SGCZ: variants seen among roughly 807,000 people sequenced by gnomAD.
The protein encoded by SGCZ is zeta-sarcoglycan.
Under a neutral mutation model 41.3 loss-of-function variants are expected in SGCZ, and 40 were observed. The ratio of observed to expected loss-of-function variants is 0.97; its 90% CI spans 0.75 to 1.26. The LOEUF (loss-of-function observed/expected upper bound fraction) is 1.26, where lower values mean the gene tolerates loss of function less well. SGCZ is among the 50% of genes most tolerant of loss of function. The pLI, the probability that SGCZ is intolerant of heterozygous loss-of-function variation, is 0.00. For synonymous variants in SGCZ, 206 were observed against 137.5 expected, an observed-to-expected ratio of 1.50 and a Z score of -3.49; for missense variants, 552 against 369.8, an observed-to-expected ratio of 1.49 and a Z score of -4.04.
intron 1 of SGCZ, among the ~76,000 whole-genome samples, chr8:15,198,177 G>C (rs1214933402): frequency 6.6e-6 from 1 of 151,502 alleles, no homozygotes; most frequent in Non-Finnish European, 1.5e-5. Flanking sequence ...TAACATTGTT[G>C]AGTAGGCTGA....
intron 2 of SGCZ, among the ~76,000 whole-genome samples, chr8:14,359,535 T>G (rs530372035): frequency 1.3e-5 from 2 of 152,088 alleles, no homozygotes; most frequent in East Asian, 1.9e-4. Flanking sequence ...GGTTCTTCAC[T>G]GATCACAATG....
chr8:14,371,322 A>T (rs1351381446), intron 2 of SGCZ, among the ~76,000 whole-genome samples: 1 of 152,058 alleles, frequency 6.6e-6, no homozygotes, highest in Non-Finnish European at 1.5e-5. Context: ...ATCTTTGTGT[A>T]TGCAAGCCAG....
At chr8:15,199,679 T>A (rs745715174) in intron 1 of SGCZ, among the ~76,000 whole-genome samples, 8 of 152,184 alleles carry the variant, frequency 5.3e-5, no homozygotes, top group Non-Finnish European at 8.8e-5. Flanking sequence ...TGCTAACACC[T>A]GTCAATAATA....
At chr8:14,861,381 T>G (rs1338673498) in intron 1 of SGCZ, among the ~76,000 whole-genome samples, 1 of 152,090 alleles carries the variant, frequency 6.6e-6, no homozygotes, top group African/African-American at 2.4e-5. Context: ...AAATAAAGAA[T>G]AGAGATAACT....
intron 1 of SGCZ, among the ~76,000 whole-genome samples, chr8:14,792,376 T>A (rs905672160): frequency 3.3e-5 from 5 of 152,080 alleles, no homozygotes; most frequent in African/African-American, 1.2e-4. Flanking sequence ...AAGTCCCCTT[T>A]TGTAGAAAAG....
intron 4 of SGCZ, among the ~76,000 whole-genome samples, chr8:14,202,923 G>A (rs74585141): frequency 0.042 from 6,425 of 152,170 alleles, 153 homozygotes; most frequent in Middle Eastern, 0.075. Context: ...GGAATCAGGC[G>A]GGAGGTGATG....
Position 14,751,799 on chromosome 8 carries a change from C to T in SGCZ, c.40-196873G>A, listed in dbSNP as rs570055258. Among the ~76,000 whole-genome samples the T allele has an allele frequency of 2.8e-3, 282 of 101,350 alleles. 1 individual carries two copies. The highest frequency in any genetic ancestry group is 9.4e-3 in the African/African-American group (237 of 25,318). 66.5% of individuals were successfully genotyped at this position (101,350 alleles called of 152,430 possible). ...TCCTGACCTCGTGATCTGCCCACCT[C>T]GGCCTCCCAAAGTGCTAGGATTACA... On this transcript the variant is annotated intron_variant, in intron 1 of 7. Transcript: ENST00000382080.
At position 15,174,594 on chromosome 8, in the gene SGCZ, A is replaced by G. The variant is rs575742849; in HGVS notation, c.39+62991T>C. On this transcript the variant is annotated intron_variant, in intron 1 of 7. Coordinates refer to ENST00000382080, the MANE Select transcript of SGCZ (RefSeq NM_139167.4). ...ATTTTTGAGTTGAAGTCAATGTTTA[A>G]CTTTACAAGATGGTATCAAATTATT... Among the ~76,000 whole-genome samples the G allele has an allele frequency of 1.8e-4, 28 of 152,314 alleles. 1 individual carries two copies. In the South Asian group the frequency reaches 5.6e-3, roughly 30 times the overall value.
chr8:14,673,558 A>G (rs531141051), intron 1 of SGCZ, among the ~76,000 whole-genome samples: 2 of 151,948 alleles, frequency 1.3e-5, no homozygotes, highest in East Asian at 3.9e-4. Context: ...CTCCCAATCC[A>G]TGTGGAACTG....
chr8:14,331,310 T>G (rs1367780674), intron 2 of SGCZ, among the ~76,000 whole-genome samples: 1 of 152,084 alleles, frequency 6.6e-6, no homozygotes, highest in Non-Finnish European at 1.5e-5. Context: ...AAAAATTAAC[T>G]TCAACTTCTA....
At chr8:14,276,468 T>C (rs761963665) in intron 3 of SGCZ, among the ~76,000 whole-genome samples, 13 of 152,278 alleles carry the variant, frequency 8.5e-5, no homozygotes, top group Admixed American at 2.6e-4. Context: ...AAAATGTAAG[T>C]GGCTCTTGAT....
intron 4 of SGCZ, among the ~76,000 whole-genome samples, chr8:14,186,894 A>G (rs557543232): frequency 6.6e-6 from 1 of 152,356 alleles, no homozygotes; most frequent in South Asian, 2.1e-4. Flanking sequence ...CTGAGTCAGA[A>G]CAAATTTCAA....
chr8:14,208,300 G>T (rs1045076452), intron 4 of SGCZ, among the ~76,000 whole-genome samples: 1 of 152,158 alleles, frequency 6.6e-6, no homozygotes, highest in Admixed American at 6.6e-5. Flanking sequence ...GTGTTTATCA[G>T]TTAGTTGAAA....
At chr8:15,157,492 A>G (rs907498822) in intron 1 of SGCZ, among the ~76,000 whole-genome samples, 1 of 135,232 alleles carries the variant, frequency 7.4e-6, no homozygotes, top group African/African-American at 3.6e-5. Context: ...GAACAACAAC[A>G]ATGACAACAA....
At chr8:14,695,853 G>A (rs1808944081) in intron 1 of SGCZ, among the ~76,000 whole-genome samples, 2 of 151,896 alleles carry the variant, frequency 1.3e-5, no homozygotes. Flanking sequence ...CAAGACAAAG[G>A]CATTGCTAGA....
chr8:14,963,739 T>C (rs1054607135), intron 1 of SGCZ, among the ~76,000 whole-genome samples: 2 of 152,186 alleles, frequency 1.3e-5, no homozygotes, highest in Non-Finnish European at 2.9e-5. Flanking sequence ...AGAAAATGTA[T>C]GGAGAACACT....
chr8:14,331,807 A>G (rs556654951), intron 2 of SGCZ, among the ~76,000 whole-genome samples: 1 of 151,800 alleles, frequency 6.6e-6, no homozygotes, highest in East Asian at 1.9e-4. Flanking sequence ...GTTTCTCTTA[A>G]GTGCACTGGT....
chr8:14,278,245 C>A (rs897850300), intron 3 of SGCZ, among the ~76,000 whole-genome samples: 1 of 152,158 alleles, frequency 6.6e-6, no homozygotes, highest in African/African-American at 2.4e-5. Context: ...AGCCATCTGG[C>A]CCCTCTTTGA....
chr8:14,488,041 C>T (rs570139140), intron 2 of SGCZ, among the ~76,000 whole-genome samples: 1 of 152,244 alleles, frequency 6.6e-6, no homozygotes, highest in Non-Finnish European at 1.5e-5. Context: ...TTTTCTCCTC[C>T]TAAGTCCCTG....
Sources: allele counts gnomAD v4.1 joint callset (sites outside exome capture counted in the v4.1 genomes callset), GRCh38; gene constraint gnomAD v4.1.1; transcripts MANE v1.5; gene names NCBI Gene and HGNC (gene_info 2026-07-23, HGNC 2026-07-21).